DAO: variants seen among roughly 807,000 people sequenced by gnomAD.
DAO encodes the protein D-amino acid oxidase, also known as D-amino-acid oxidase.
In DAO, 51 loss-of-function variants were observed where a neutral mutation model predicts 50.1. The observed-to-expected ratio is 1.02, with a 90% CI of 0.81 to 1.29. The LOEUF (loss-of-function observed/expected upper bound fraction) is 1.29, where lower values mean the gene tolerates loss of function less well. Ranked by LOEUF, DAO falls within the 50% of genes most tolerant of loss-of-function variation. DAO has a pLI of 0.00. For missense variants in DAO, 436 were observed against 439.4 expected (o/e 0.99, Z 0.07); for synonymous variants, 160 against 166.2 (o/e 0.96, Z 0.29).
chr12:108,900,281 G>GT, intron 10 of DAO, 123 bp from the exon 11 acceptor site: 3 of 1,256,464 alleles, frequency 2.4e-6, no homozygotes, highest in Non-Finnish European at 3.5e-6. Flanking sequence ...AGAAGCTCAG[G>GT]TGGCATCTGG....
chr12:108,897,515 C>A (rs556610360), intron 8 of DAO, among the ~76,000 whole-genome samples: 1 of 151,642 alleles, frequency 6.6e-6, no homozygotes, highest in Non-Finnish European at 1.5e-5. Context: ...CCGTGCCTGG[C>A]CCCTTTCAAT....
intron 6 of DAO, 31 bp downstream of exon 6, chr12:108,893,067 G>T (rs1176596348): frequency 6.2e-7 from 1 of 1,605,748 alleles, no homozygotes; most frequent in Non-Finnish European, 8.5e-7. Context: ...GGTGGATGGG[G>T]CAGGGAGAAG....
intron 1 of DAO, chr12:108,883,624 C>T (rs750908058): frequency 1.1e-5 from 5 of 456,548 alleles, no homozygotes; most frequent in South Asian, 7.7e-5. Flanking sequence ...TGGGATTAAC[C>T]CTGTTTTGCA....
In DAO at chr12:108,885,095, T is replaced by C. The variant is rs1232720280; in HGVS notation, c.89T>C (p.Leu30Pro). The C allele has an allele frequency of 3.1e-6, 5 of 1,614,210 alleles. No individual in the cohort carries two copies. Among genetic ancestry groups the C allele is most frequent in the South Asian group, 2.2e-5 (2 of 91,088 alleles). The change falls in exon 2 of 11, where the codon CTG becomes CCG. Residue 30 changes from leucine (L) to proline (P), a missense_variant. By Grantham distance (98) the Leu-to-Pro change is moderately conservative. Coordinates refer to ENST00000228476, the MANE Select transcript of DAO (RefSeq NM_001917.5). The part of the protein sequence containing the change: ...HERYHSVLQP[L>P]DIKVYADRFT... ...CGCTACCACTCAGTCCTGCAGCCAC[T>C]GGACATAAAGGTCTACGCGGACCGC...
At chr12:108,896,399 G>GCAA (rs1336101191) in intron 7 of DAO, among the ~76,000 whole-genome samples, 2 of 120,886 alleles carry the variant, frequency 1.7e-5, no homozygotes, top group African/African-American at 3.4e-5. Flanking sequence ...CTCCAGCCTG[G>GCAA]CAACAGAGCG....
At position 108,894,331 on chromosome 12, in the gene DAO, C is replaced by A. The variant is rs1394987563; in HGVS notation, c.576C>A (p.Asp192Glu). 4 of 1,613,846 alleles carry A rather than the reference C, an allele frequency of 2.5e-6. No homozygotes were observed. The African/African-American group carries it at 4.0e-5, about 16-fold the overall frequency. Reference sequence around the variant, plus strand: ...TATGGGCTGGGGCGCTACAACGAGACCCCCTGCTGCAGCCAGGCCGGGGGC... The same window carrying A: ...TATGGGCTGGGGCGCTACAACGAGAACCCCTGCTGCAGCCAGGCCGGGGGC... ...TGVWAGALQRDPLLQPGRGQI... is the reference protein window; with the variant it reads ...TGVWAGALQREPLLQPGRGQI... Residue 192 changes from aspartate to glutamate, a missense_variant, in exon 7 of 11, where the codon GAC (aspartate) becomes GAA (glutamate). Physicochemically the swap from Asp to Glu is conservative, Grantham distance 45. Transcript: ENST00000228476.
At position 108,900,873 on chromosome 12, in the gene DAO, C is replaced by A. The variant is rs186791015; in HGVS notation, c.*338C>A. 3.0e-6 allele frequency: 1 copy of A among 336,130 alleles called. No individual in the cohort carries two copies. The highest frequency in any genetic ancestry group is 5.8e-6 in the Non-Finnish European group (1 of 173,720). The allele number at this position is 336,130 out of a possible 1,614,324, so 20.8% of individuals were successfully genotyped here. A position where few individuals can be genotyped will look rare whatever the true frequency, so the allele number is the denominator to read the frequency against. On this transcript the variant is annotated 3_prime_UTR_variant, in exon 11 of 11. Transcript: ENST00000228476. Reference sequence around the variant, plus strand: ...ATGGAGGATAATTGAGGCTAAGTAACCTGATTACAAGTTGTACTAACATAT... The same window carrying A: ...ATGGAGGATAATTGAGGCTAAGTAAACTGATTACAAGTTGTACTAACATAT...
intron 10 of DAO, 133 bp from the exon 11 acceptor site, chr12:108,900,271 A>G (rs1172091819): frequency 8.7e-7 from 1 of 1,153,130 alleles, no homozygotes; most frequent in African/African-American, 1.5e-5. Context: ...CGGTGCCAAG[A>G]GAAGCTCAGG....
intron 1 of DAO, among the ~76,000 whole-genome samples, chr12:108,881,232 G>A (rs1451858286): frequency 7.0e-6 from 1 of 142,370 alleles, no homozygotes; most frequent in Non-Finnish European, 1.5e-5. Context: ...CATCTTCTGG[G>A]ATACATACTC....
Position 108,890,425 on chromosome 12 carries a change from C to T in DAO, c.452+152C>T. ...TGGGAGCTATCCTTGGTCCTGATCA[C>T]CGCTGGGCACAGAGGCAATGGATCC... On this transcript the variant is annotated intron_variant, in intron 5 of 10. Transcript: ENST00000228476. The T allele has an allele frequency of 5.9e-6, 4 of 682,352 alleles. No individual in the cohort carries two copies. In the South Asian group the frequency reaches 6.0e-5, roughly 10 times the overall value. 42.3% of individuals were successfully genotyped at this position (682,352 alleles called of 1,614,324 possible).
intron 5 of DAO, 49 bp downstream of exon 5, chr12:108,890,322 T>C (rs1327436047): frequency 6.9e-6 from 10 of 1,445,856 alleles, no homozygotes; most frequent in Non-Finnish European, 9.7e-6. Flanking sequence ...AGAGACCAAG[T>C]TGTAGTGGAA....
chr12:108,883,565 G>T, intron 1 of DAO: 1 of 454,876 alleles, frequency 2.2e-6, no homozygotes, highest in Non-Finnish European at 4.4e-6. Flanking sequence ...GTGGTACCAA[G>T]AACTTTTGCT....
chr12:108,888,369 T>C (rs1188205742), intron 3 of DAO, among the ~76,000 whole-genome samples: 2 of 151,672 alleles, frequency 1.3e-5, no homozygotes, highest in African/African-American at 2.4e-5. Flanking sequence ...AGGGTCTCAC[T>C]GTATTGCCCA....
intron 8 of DAO, among the ~76,000 whole-genome samples, chr12:108,897,672 T>C (rs1414013940): frequency 6.6e-6 from 1 of 151,232 alleles, no homozygotes; most frequent in Non-Finnish European, 1.5e-5. Context: ...AAAAGTGGTA[T>C]GTAGGTGGCT....
intron 7 of DAO, among the ~76,000 whole-genome samples, chr12:108,895,603 TGTG>T (rs1383574504): frequency 7.1e-6 from 1 of 140,020 alleles, no homozygotes; most frequent in Non-Finnish European, 1.5e-5. Context: ...TGTGTGATGG[TGTG>T]TGTGTGTGAG....
At chr12:108,884,948 T>C in intron 1 of DAO, 50 bp from the exon 2 acceptor site, 1 of 1,551,206 alleles carries the variant, frequency 6.4e-7, no homozygotes, top group Non-Finnish European at 8.9e-7. Flanking sequence ...GCGCTAAGGA[T>C]GATGGAGATG....
chr12:108,889,408 C>A, intron 3 of DAO, 61 bp from the exon 4 acceptor site: 1 of 1,185,170 alleles, frequency 8.4e-7, no homozygotes, highest in Non-Finnish European at 1.3e-6. Flanking sequence ...CCTCGCCTGG[C>A]CCATTATCAT....
At chr12:108,899,519 C>T (rs2039599599) in intron 10 of DAO, 44 bp downstream of exon 10, 1 of 1,510,402 alleles carries the variant, frequency 6.6e-7, no homozygotes. Flanking sequence ...TTCCACTCCT[C>T]AGATGGCTCT....
At chr12:108,889,840 A>C (rs868457694) in intron 4 of DAO, among the ~76,000 whole-genome samples, 5 of 152,154 alleles carry the variant, frequency 3.3e-5, no homozygotes, top group Non-Finnish European at 7.4e-5. Context: ...TCCTAAGGTC[A>C]CACAGCCAAG....
Sources: gnomAD v4.1 joint callset for allele counts (sites outside exome capture counted in the v4.1 genomes callset) on GRCh38, gnomAD v4.1.1 for gene constraint, MANE v1.5 for transcripts, NCBI Gene and HGNC (gene_info 2026-07-23, HGNC 2026-07-21) for gene names.